Variants in TMEM132D observed in about 807,000 individuals in gnomAD.
TMEM132D encodes the protein transmembrane protein 132D.
A neutral mutation model predicts 62.3 loss-of-function variants in TMEM132D; 21 were observed. The observed-to-expected ratio is 0.34, with a 90% CI of 0.24 to 0.49. The LOEUF is 0.49. TMEM132D is among the 20% of genes least tolerant of loss of function. The probability of loss-of-function intolerance (pLI) is 0.99; values close to 1 mark genes in which losing one functional copy is unlikely to be tolerated. For synonymous variants in TMEM132D, 621 were observed against 575.6 expected (o/e 1.08, Z -1.13); for missense variants, 1,346 against 1,402.8 (o/e 0.96, Z 0.65).
At chr12:129,821,186 A>C (rs1006458757) in intron 1 of TMEM132D, among the ~76,000 whole-genome samples, 1 of 152,200 alleles carries the variant, frequency 6.6e-6, no homozygotes. Flanking sequence ...AGAAATTAAG[A>C]CAGATTCTCT....
chr12:129,170,574 C>T (rs1877691558), intron 5 of TMEM132D, among the ~76,000 whole-genome samples: 1 of 152,068 alleles, frequency 6.6e-6, no homozygotes, highest in Non-Finnish European at 1.5e-5. Context: ...ACCTGTAATC[C>T]AGCACTTTTG....
intron 3 of TMEM132D, among the ~76,000 whole-genome samples, chr12:129,342,501 G>A (rs907161569): frequency 6.6e-6 from 1 of 152,028 alleles, no homozygotes; most frequent in African/African-American, 2.4e-5. Flanking sequence ...ATACCATTCA[G>A]GACATAGGCA....
At chr12:129,452,090 T>C (rs1873308392) in intron 3 of TMEM132D, among the ~76,000 whole-genome samples, 1 of 152,202 alleles carries the variant, frequency 6.6e-6, no homozygotes, top group Non-Finnish European at 1.5e-5. Flanking sequence ...TTTTCCTGGC[T>C]CCTCATGTCC....
intron 5 of TMEM132D, among the ~76,000 whole-genome samples, chr12:129,087,899 TCC>T (rs1874680472): frequency 7.5e-6 from 1 of 132,554 alleles, no homozygotes; most frequent in African/African-American, 3.2e-5. Context: ...CGGGGTGTCC[TCC>T]CTGACCGGGG....
chr12:129,673,808 A>G (rs1272395156), intron 2 of TMEM132D, among the ~76,000 whole-genome samples: 1 of 152,160 alleles, frequency 6.6e-6, no homozygotes, highest in Non-Finnish European at 1.5e-5. Flanking sequence ...GTCCCTTAAG[A>G]GTGTGATTCA....
At chr12:129,666,288 C>T (rs1235554162) in intron 2 of TMEM132D, among the ~76,000 whole-genome samples, 1 of 152,138 alleles carries the variant, frequency 6.6e-6, no homozygotes. Context: ...GCTGAATCTT[C>T]CGTTTGTCTG....
Position 129,420,441 on chromosome 12 carries a change from A to G in TMEM132D, c.1116-82624T>C, listed in dbSNP as rs75716062. ...TGCTGTCCGGTCCCAAACCATCTCA[A>G]ATACCGTGAAGCACAGTTTCCAGAC... On this transcript the variant is annotated intron_variant, in intron 3 of 8. Transcript: ENST00000422113. Among the ~76,000 whole-genome samples, 340 of 151,728 alleles carry G rather than the reference A, an allele frequency of 2.2e-3. 1 individual carries two copies. Among genetic ancestry groups the G allele is most frequent in the Non-Finnish European group, 4.1e-3 (281 of 67,982 alleles).
intron 2 of TMEM132D, among the ~76,000 whole-genome samples, chr12:129,531,522 C>T (rs1243168531): frequency 3.3e-5 from 5 of 152,172 alleles, no homozygotes; most frequent in East Asian, 1.9e-4. Flanking sequence ...CACAGAACTA[C>T]CTGAAAACCC....
chr12:129,245,453 T>C (rs547379408), intron 4 of TMEM132D, among the ~76,000 whole-genome samples: 2 of 152,218 alleles, frequency 1.3e-5, no homozygotes, highest in Non-Finnish European at 2.9e-5. Flanking sequence ...TATTTCTTCA[T>C]CCATTAAGGG....
intron 1 of TMEM132D, among the ~76,000 whole-genome samples, chr12:129,753,790 A>G (rs1227356123): frequency 6.6e-6 from 1 of 152,232 alleles, no homozygotes; most frequent in African/African-American, 2.4e-5. Flanking sequence ...ATCTCTATGC[A>G]TGCAGGGCAC....
At chr12:129,156,086 C>G (rs1369949673) in intron 5 of TMEM132D, among the ~76,000 whole-genome samples, 1 of 151,998 alleles carries the variant, frequency 6.6e-6, no homozygotes, top group Non-Finnish European at 1.5e-5. Flanking sequence ...CCATGATACC[C>G]AACCCACTCC....
At position 129,075,541 on chromosome 12, in the gene TMEM132D, C is replaced by G. The variant is rs574618281; in HGVS notation, c.2116-482G>C. 7.2e-5 allele frequency among the ~76,000 whole-genome samples: 11 copies of G among 152,306 alleles called. No homozygotes were observed. In the South Asian group the frequency reaches 1.4e-3, roughly 20 times the overall value. On this transcript the variant is annotated intron_variant, in intron 8 of 8. Coordinates refer to ENST00000422113, the MANE Select transcript of TMEM132D (RefSeq NM_133448.3). ...TTACTGGCAATACAGATAAAAGCCTCTGATCTAGATGAGGTCCCACTGCAG... is the reference window on the plus strand; with the variant it reads ...TTACTGGCAATACAGATAAAAGCCTGTGATCTAGATGAGGTCCCACTGCAG...
Position 129,779,649 on chromosome 12 carries a change from G to A in TMEM132D, c.80-78951C>T, listed in dbSNP as rs966882088. ...TTGTTTCTTGAAAGGAAGAAGAGCA[G>A]GTATTGGAAGAGACCATCAGAAGGC... On this transcript the variant is annotated intron_variant, in intron 1 of 8. Transcript: ENST00000422113. The surrounding 1 kb of genome is among the most constrained non-coding windows in gnomAD (Gnocchi z 4.1). Among the ~76,000 whole-genome samples, 1 of 152,058 alleles carries A rather than the reference G, an allele frequency of 6.6e-6. No homozygotes were observed. The highest frequency in any genetic ancestry group is 1.9e-4 in the East Asian group (1 of 5,164).
chr12:129,190,315 C>CA (rs554186611), intron 5 of TMEM132D, among the ~76,000 whole-genome samples: 1 of 5,118 alleles, frequency 2.0e-4, no homozygotes, highest in Non-Finnish European at 4.0e-4. Context: ...GGAGGGGTCT[C>CA]GGCCTGCAGA....
chr12:129,504,308 T>C (rs1875263665), intron 3 of TMEM132D, among the ~76,000 whole-genome samples: 1 of 152,232 alleles, frequency 6.6e-6, no homozygotes, highest in Non-Finnish European at 1.5e-5. Context: ...TAGAATAGTG[T>C]CAGTAGGATT....
At chr12:129,231,030 T>C (rs2306517) in intron 4 of TMEM132D, among the ~76,000 whole-genome samples, 3,154 of 152,342 alleles carry the variant, frequency 0.021, 214 homozygotes, top group East Asian at 0.19. Flanking sequence ...CTTATCTTGT[T>C]TATTTACTCC....
At chr12:129,175,552 A>C (rs528219599) in intron 5 of TMEM132D, among the ~76,000 whole-genome samples, 1 of 152,330 alleles carries the variant, frequency 6.6e-6, no homozygotes, top group Non-Finnish European at 1.5e-5. Context: ...AAAACACACA[A>C]ACAAAAATAA....
intron 1 of TMEM132D, among the ~76,000 whole-genome samples, chr12:129,747,228 T>G (rs188136297): frequency 4.8e-3 from 70 of 14,506 alleles, no homozygotes; most frequent in African/African-American, 0.01. Context: ...AGCCACCCTG[T>G]CCTCTTCACA....
chr12:129,338,890 T>A (rs1309651102), intron 3 of TMEM132D, among the ~76,000 whole-genome samples: 1 of 152,100 alleles, frequency 6.6e-6, no homozygotes, highest in Admixed American at 6.6e-5. Context: ...GGGAGCCTTG[T>A]TCTCAATAGG....
Sources: allele counts gnomAD v4.1 joint callset (sites outside exome capture counted in the v4.1 genomes callset), GRCh38; gene constraint gnomAD v4.1.1; non-coding constraint Gnocchi (gnomAD v3.1); transcripts MANE v1.5; gene names NCBI Gene and HGNC (gene_info 2026-07-23, HGNC 2026-07-21).